SDHAF4: variants seen among roughly 807,000 people sequenced by gnomAD.
SDHAF4 encodes the protein succinate dehydrogenase assembly factor 4, mitochondrial.
SDHAF4 carries 14 observed loss-of-function variants against 14.3 expected under a neutral mutation model. That is an observed-to-expected ratio of 0.98 (90% CI 0.65 to 1.53). SDHAF4 has a LOEUF of 1.53. SDHAF4 is among the 40% of genes most tolerant of loss of function. SDHAF4 has a pLI of 0.00. For missense variants in SDHAF4, 141 were observed against 129.3 expected, an observed-to-expected ratio of 1.09 and a Z score of -0.44; for synonymous variants, 63 against 47.3, an observed-to-expected ratio of 1.33 and a Z score of -1.36.
At chr6:70,567,572 C>G (rs1802117605) in intron 1 of SDHAF4, 1 of 152,292 alleles carries the variant, frequency 6.6e-6, no homozygotes, top group Admixed American at 6.5e-5. Context: ...AAAAAGCATT[C>G]ATGCTTTCAG....
At chr6:70,597,299 A>ATTTTTT in the SDHAF4 span, among the ~76,000 whole-genome samples, 863 of 108,016 alleles carry the variant, frequency 8.0e-3, 23 homozygotes, top group African/African-American at 0.018. Flanking sequence ...CGCCTGGCTA[A>ATTTTTT]TTTTTTTTTT....
chr6:70,569,077 T>C (rs1210957727), intron 1 of SDHAF4, among the ~76,000 whole-genome samples: 3 of 145,288 alleles, frequency 2.1e-5, no homozygotes, highest in African/African-American at 7.6e-5. Context: ...GCCATTCTCC[T>C]GCCTCAGCCT....
chr6:70,571,340 G>T (rs1164055315), intron 1 of SDHAF4, among the ~76,000 whole-genome samples: 1 of 151,988 alleles, frequency 6.6e-6, no homozygotes, highest in East Asian at 1.9e-4. Context: ...TGTATTTGTT[G>T]TGCTTATATT....
chr6:70,575,911 T>C (rs1172792256), intron 1 of SDHAF4, among the ~76,000 whole-genome samples: 1 of 152,170 alleles, frequency 6.6e-6, no homozygotes, highest in East Asian at 1.9e-4. Context: ...GCTTTTGTTT[T>C]AAGTTTGTCA....
At chr6:70,570,483 C>T (rs552543137) in intron 1 of SDHAF4, among the ~76,000 whole-genome samples, 20 of 152,158 alleles carry the variant, frequency 1.3e-4, no homozygotes, top group African/African-American at 3.9e-4. Context: ...CCACCATGCC[C>T]GGCTAATTTT....
downstream of SDHAF4, among the ~76,000 whole-genome samples, chr6:70,590,260 G>T (rs1422705132): frequency 6.6e-6 from 1 of 151,858 alleles, no homozygotes; most frequent in African/African-American, 2.4e-5. Flanking sequence ...AAAAAGCAAA[G>T]AAAAGAAAAG....
At position 70,567,017 on chromosome 6, in the gene SDHAF4, C is replaced by G. The variant is rs1428897670; in HGVS notation, c.64+13C>G. ...TGGAGAGCGGCAAGTAAGCACCTGG[C>G]CTCGGGGCCACGGTCGCGGGAGGGG... On this transcript the variant is annotated intron_variant, in intron 1 of 2. Transcript: ENST00000370474. The G allele has an allele frequency of 1.9e-6, 3 of 1,577,936 alleles. No individual in the cohort carries two copies. The highest frequency in any genetic ancestry group is 1.3e-5 in the African/African-American group (1 of 74,218).
At chr6:70,590,653 A>G (rs572838463), downstream of SDHAF4, among the ~76,000 whole-genome samples, 3 of 152,316 alleles carry the variant, frequency 2.0e-5, no homozygotes, top group South Asian at 6.2e-4. Flanking sequence ...TTTGCTAATC[A>G]TGTAAAACTG....
intron 1 of SDHAF4, among the ~76,000 whole-genome samples, chr6:70,574,906 C>CAACA (rs71538423): frequency 0.02 from 2,990 of 148,280 alleles, 55 homozygotes; most frequent in Non-Finnish European, 0.027. Context: ...CAAGACTGGG[C>CAACA]AACAGAGCAA....
downstream of SDHAF4, among the ~76,000 whole-genome samples, chr6:70,589,806 A>G (rs996811591): frequency 6.6e-6 from 1 of 152,184 alleles, no homozygotes; most frequent in African/African-American, 2.4e-5. Flanking sequence ...AGTTGGAGAT[A>G]ATAATACTTT....
chr6:70,578,829 T>C (rs1802286812), intron 1 of SDHAF4, among the ~76,000 whole-genome samples: 1 of 152,164 alleles, frequency 6.6e-6, no homozygotes, highest in African/African-American at 2.4e-5. Flanking sequence ...ATTTATCAAA[T>C]AGGGACTTCT....
rs1234812505 is a variant in SDHAF4 at position 70,579,525 on chromosome 6, A to T, written c.176A>T (p.Asp59Val). The T allele has an allele frequency of 6.2e-7, 1 of 1,611,052 alleles. No individual in the cohort carries two copies. Among genetic ancestry groups the T allele is most frequent in the South Asian group, 1.1e-5 (1 of 90,626 alleles). Reference protein sequence around the residue: ...KKPKLPEGRFDAPEDSHLEKE... With the variant: ...KKPKLPEGRFVAPEDSHLEKE... ...CCGAAGTTACCAGAAGGTCGTTTTG[A>T]TGCACCAGAGGATTCCCATTTAGAG... Residue 59 changes from aspartate (D) to valine (V), a missense_variant, in exon 2 of 3, where the codon GAT (aspartate) becomes GTT (valine). Asp to Val is a radical substitution (Grantham distance 152). Transcript: ENST00000370474.
At chr6:70,577,787 A>G (rs999290206) in intron 1 of SDHAF4, among the ~76,000 whole-genome samples, 15 of 152,260 alleles carry the variant, frequency 9.9e-5, no homozygotes, top group South Asian at 2.1e-4. Flanking sequence ...GTTTCACTCT[A>G]TAGAATTAGA....
chr6:70,579,358 G>A, intron 1 of SDHAF4, 56 bp from the exon 2 acceptor site: 1 of 1,280,024 alleles, frequency 7.8e-7, no homozygotes, highest in Non-Finnish European at 1.0e-6. Flanking sequence ...TTTTATAAAT[G>A]TTTAAAGTGG....
chr6:70,592,793 G>A (rs1480471204), downstream of SDHAF4, among the ~76,000 whole-genome samples: 1 of 152,170 alleles, frequency 6.6e-6, no homozygotes, highest in Non-Finnish European at 1.5e-5. Flanking sequence ...CTAGACATGT[G>A]GTAGAGAATG....
intron 1 of SDHAF4, among the ~76,000 whole-genome samples, chr6:70,572,285 CT>C (rs1802192954): frequency 6.6e-6 from 1 of 151,816 alleles, no homozygotes; most frequent in Non-Finnish European, 1.5e-5. Context: ...GGCTGGAACA[CT>C]TTCAGTCTTT....
chr6:70,567,253 A>G (rs1230659270), intron 1 of SDHAF4, among the ~76,000 whole-genome samples: 1 of 152,072 alleles, frequency 6.6e-6, no homozygotes, highest in South Asian at 2.1e-4. Flanking sequence ...TCCGCTTCCT[A>G]CCGAGCACGC....
intron 1 of SDHAF4, among the ~76,000 whole-genome samples, 177 bp from the exon 2 acceptor site, chr6:70,579,237 T>A (rs2128534977): frequency 6.6e-6 from 1 of 152,360 alleles, no homozygotes; most frequent in Middle Eastern, 3.4e-3. Context: ...CTGGTGGTCT[T>A]CCAGGAAGGG....
chr6:70,583,206 G>A (rs764527918), intron 2 of SDHAF4, among the ~76,000 whole-genome samples: 3 of 152,166 alleles, frequency 2.0e-5, no homozygotes, highest in Non-Finnish European at 2.9e-5. Context: ...TCCGCCTCCC[G>A]GGTTCAAGCG....
Sources: gnomAD v4.1 joint callset for allele counts (sites outside exome capture counted in the v4.1 genomes callset) on GRCh38, gnomAD v4.1.1 for gene constraint, MANE v1.5 for transcripts, NCBI Gene and HGNC (gene_info 2026-07-23, HGNC 2026-07-21) for gene names.